Variants in NCKAP5 observed in about 807,000 individuals in gnomAD.
NCKAP5 encodes NCK associated protein 5.
In NCKAP5, 92 loss-of-function variants were observed where a neutral mutation model predicts 167.0. The ratio of observed to expected loss-of-function variants is 0.55; its 90% CI spans 0.47 to 0.66. The LOEUF is 0.66. Among genes scored for constraint, NCKAP5 ranks in the 30% least tolerant of loss-of-function variants. The probability of loss-of-function intolerance (pLI) is 0.00; values close to 1 mark genes in which losing one functional copy is unlikely to be tolerated. For synonymous variants in NCKAP5, 891 were observed against 877.4 expected (o/e 1.02, Z -0.27); for missense variants, 2,378 against 2,315.0 (o/e 1.03, Z -0.56).
intron 6 of NCKAP5, among the ~76,000 whole-genome samples, chr2:133,030,392 C>A (rs927175823): frequency 2.6e-5 from 4 of 152,198 alleles, no homozygotes; most frequent in East Asian, 3.9e-4. Flanking sequence ...TATCTGACCA[C>A]GCCTGCTGGG....
At chr2:133,091,299 TC>T (rs1574001112) in intron 6 of NCKAP5, among the ~76,000 whole-genome samples, 1 of 152,196 alleles carries the variant, frequency 6.6e-6, no homozygotes, top group East Asian at 1.9e-4. Flanking sequence ...GAGATTTCCT[TC>T]CCCATGGAAA....
chr2:132,837,755 C>T (rs1687998663), intron 11 of NCKAP5, among the ~76,000 whole-genome samples: 2 of 152,168 alleles, frequency 1.3e-5, no homozygotes, highest in Non-Finnish European at 2.9e-5. Context: ...GATTAGAAGG[C>T]CTCCGTGCAT....
At chr2:133,394,292 T>C (rs1687603771) in intron 3 of NCKAP5, among the ~76,000 whole-genome samples, 1 of 152,230 alleles carries the variant, frequency 6.6e-6, no homozygotes, top group Non-Finnish European at 1.5e-5. Context: ...AATACCCAAT[T>C]ACAAAGTAAT....
chr2:132,844,154 C>A (rs992834078), intron 11 of NCKAP5, among the ~76,000 whole-genome samples: 1 of 152,062 alleles, frequency 6.6e-6, no homozygotes, highest in South Asian at 2.1e-4. Flanking sequence ...ATATGTAATA[C>A]GTTTTCTTTA....
chr2:132,725,485 G>A (rs993768152), intron 19 of NCKAP5, 142 bp downstream of exon 19: 1 of 1,003,082 alleles, frequency 1.0e-6, no homozygotes, highest in Non-Finnish European at 1.4e-6. Flanking sequence ...TCTTCTGTAT[G>A]TACCAGAAAA....
At chr2:133,644,178 G>A in the NCKAP5 span, among the ~76,000 whole-genome samples, 46 of 152,280 alleles carry the variant, frequency 3.0e-4, no homozygotes, top group East Asian at 3.7e-3. Flanking sequence ...TGGCAGGTTA[G>A]GTAAAGCAGA....
chr2:133,534,010 A>C (rs1685566220), intron 2 of NCKAP5, among the ~76,000 whole-genome samples: 1 of 152,162 alleles, frequency 6.6e-6, no homozygotes, highest in Non-Finnish European at 1.5e-5. Context: ...TTTGACCTGG[A>C]TTGGATATTT....
At chr2:133,197,907 GC>G (rs1467362318) in intron 5 of NCKAP5, among the ~76,000 whole-genome samples, 1 of 152,042 alleles carries the variant, frequency 6.6e-6, no homozygotes, top group Non-Finnish European at 1.5e-5. Flanking sequence ...CCAAGATCGT[GC>G]CACTGCACTC....
At chr2:133,135,175 G>A (rs1057347387) in intron 5 of NCKAP5, among the ~76,000 whole-genome samples, 3 of 152,164 alleles carry the variant, frequency 2.0e-5, no homozygotes, top group African/African-American at 4.8e-5. Flanking sequence ...TGAAAGTGAC[G>A]GAAACTGATT....
chr2:133,031,056 G>A (rs2078862971), intron 6 of NCKAP5, among the ~76,000 whole-genome samples: 1 of 152,012 alleles, frequency 6.6e-6, no homozygotes, highest in Non-Finnish European at 1.5e-5. Context: ...GGAATACAAG[G>A]CTTTGCCGAT....
At chr2:132,856,551 A>G (rs970543199) in intron 11 of NCKAP5, among the ~76,000 whole-genome samples, 1 of 152,334 alleles carries the variant, frequency 6.6e-6, no homozygotes, top group African/African-American at 2.4e-5. Flanking sequence ...TATCAGTAGT[A>G]GGACTTTTTG....
At chr2:133,060,590 C>T (rs534588528) in intron 6 of NCKAP5, among the ~76,000 whole-genome samples, 9 of 152,186 alleles carry the variant, frequency 5.9e-5, no homozygotes, top group Non-Finnish European at 1.3e-4. Context: ...AACTCTAATC[C>T]TTGCCCCCTT....
chr2:133,474,677 T>C (rs1692548996), intron 3 of NCKAP5, among the ~76,000 whole-genome samples: 1 of 152,176 alleles, frequency 6.6e-6, no homozygotes. Context: ...TTTTTGTAGA[T>C]ACAAAAAATA....
chr2:133,054,835 G>A (rs1013236423), intron 6 of NCKAP5, among the ~76,000 whole-genome samples: 3 of 152,080 alleles, frequency 2.0e-5, no homozygotes, highest in Admixed American at 6.6e-5. Context: ...GGAAAATCAC[G>A]AGTCATATGC....
intron 6 of NCKAP5, among the ~76,000 whole-genome samples, chr2:133,009,706 C>A (rs2078087631): frequency 6.6e-6 from 1 of 152,062 alleles, no homozygotes; most frequent in South Asian, 2.1e-4. Flanking sequence ...CCCACAATGA[C>A]CCCACAATGT....
At chr2:133,616,938 A>G in the NCKAP5 span, among the ~76,000 whole-genome samples, 1 of 152,242 alleles carries the variant, frequency 6.6e-6, no homozygotes, top group African/African-American at 2.4e-5. Context: ...GCAGCACATC[A>G]AGAAGGTTAT....
At chr2:133,670,607 A>G in the NCKAP5 span, among the ~76,000 whole-genome samples, 1 of 152,202 alleles carries the variant, frequency 6.6e-6, no homozygotes, top group African/African-American at 2.4e-5. Flanking sequence ...GTGTAGGGTG[A>G]TGAACAAGGT....
chr2:132,683,402 T>C (rs1685510387), intron 19 of NCKAP5, among the ~76,000 whole-genome samples: 1 of 152,204 alleles, frequency 6.6e-6, no homozygotes, highest in South Asian at 2.1e-4. Flanking sequence ...ACAGCAATTT[T>C]CTTTTTGTCA....
the NCKAP5 span, among the ~76,000 whole-genome samples, chr2:133,594,923 C>T: frequency 6.6e-5 from 10 of 152,020 alleles, no homozygotes; most frequent in Admixed American, 4.6e-4. Flanking sequence ...ACACACTGAG[C>T]GTTTTAAGTT....
Sources: gnomAD v4.1 joint callset for allele counts (sites outside exome capture counted in the v4.1 genomes callset) on GRCh38, gnomAD v4.1.1 for gene constraint, MANE v1.5 for transcripts, NCBI Gene and HGNC (gene_info 2026-07-23, HGNC 2026-07-21) for gene names.